The following CARMIL1 variants were observed in gnomAD, a reference collection of about 807,000 sequenced individuals.
CARMIL1 encodes the protein capping protein regulator and myosin 1 linker 1, also known as F-actin-uncapping protein LRRC16A.
CARMIL1 carries 90 observed loss-of-function variants against 177.1 expected under a neutral mutation model. That is an observed-to-expected ratio of 0.51 (90% CI 0.43 to 0.61). CARMIL1 has a LOEUF of 0.61. CARMIL1 is among the 20% of genes least tolerant of loss of function. The pLI is 0.00. For synonymous variants in CARMIL1, 577 were observed against 606.2 expected (o/e 0.95, Z 0.71); for missense variants, 1,380 against 1,667.0 (o/e 0.83, Z 3.00).
rs200770413 is a variant in CARMIL1 at position 25,326,814 on chromosome 6, ATAT to A, written c.138+41920_138+41922del. On this transcript the variant is annotated intron_variant, in intron 2 of 36. Coordinates refer to ENST00000329474, the MANE Select transcript of CARMIL1 (RefSeq NM_017640.6). The surrounding 1 kb of genome is among the most constrained non-coding windows in gnomAD (Gnocchi z 4.2). ...GCTGAGGAAAAAGGAGAAATCAGAAATATTATTATTATTATTAATGTTTCAAGA... is the reference window on the plus strand; with the variant it reads ...GCTGAGGAAAAAGGAGAAATCAGAAATATTATTATTATTAATGTTTCAAGA... Among the ~76,000 whole-genome samples, 2 of 151,892 alleles carry A rather than the reference ATAT, an allele frequency of 1.3e-5. No homozygotes were observed. The highest frequency in any genetic ancestry group is 6.6e-5 in the Admixed American group (1 of 15,236).
At chr6:25,318,415 C>T (rs2150230930) in intron 2 of CARMIL1, among the ~76,000 whole-genome samples, 1 of 152,228 alleles carries the variant, frequency 6.6e-6, no homozygotes, top group Non-Finnish European at 1.5e-5. Flanking sequence ...GCTTTGAAAA[C>T]AGTCCTCTCC....
intron 8 of CARMIL1, among the ~76,000 whole-genome samples, chr6:25,460,092 A>G (rs1799999933): frequency 6.6e-6 from 1 of 152,216 alleles, no homozygotes; most frequent in Non-Finnish European, 1.5e-5. Context: ...TAATTGCATG[A>G]GCACTTAGTG....
At chr6:25,447,157 A>G (rs891472145) in intron 5 of CARMIL1, among the ~76,000 whole-genome samples, 2 of 152,226 alleles carry the variant, frequency 1.3e-5, no homozygotes, top group African/African-American at 2.4e-5. Flanking sequence ...GCTTAATGCA[A>G]GGTTGCCACA....
intron 2 of CARMIL1, among the ~76,000 whole-genome samples, chr6:25,365,616 A>G (rs576979978): frequency 6.6e-6 from 1 of 152,214 alleles, no homozygotes; most frequent in South Asian, 2.1e-4. Context: ...GTTTTGTTGC[A>G]ATCTCAGCCC....
intron 8 of CARMIL1, among the ~76,000 whole-genome samples, chr6:25,461,112 T>C (rs1800080956): frequency 6.6e-6 from 1 of 152,206 alleles, no homozygotes; most frequent in Admixed American, 6.5e-5. Flanking sequence ...CTATTTTGCA[T>C]TGGCCCTTGT....
Position 25,279,387 on chromosome 6 carries a change from C to T in CARMIL1, c.-409C>T. ...GCCGCTCTCCCCGCCCTCTCCCACGCCTTCCGCTTTCACCTAGGGCTGTAG... is the reference window on the plus strand; with the variant it reads ...GCCGCTCTCCCCGCCCTCTCCCACGTCTTCCGCTTTCACCTAGGGCTGTAG... On this transcript the variant is annotated 5_prime_UTR_variant, in exon 1 of 37. Transcript: ENST00000329474. The T allele has an allele frequency of 3.5e-6, 1 of 289,816 alleles. No individual in the cohort carries two copies. Among genetic ancestry groups the T allele is most frequent in the Non-Finnish European group, 6.5e-6 (1 of 153,296 alleles). 18.0% of individuals were successfully genotyped at this position (289,816 alleles called of 1,614,324 possible). A position where few individuals can be genotyped will look rare whatever the true frequency, so the allele number is the denominator to read the frequency against.
chr6:25,304,776 T>C (rs1021328834), intron 2 of CARMIL1, among the ~76,000 whole-genome samples: 1 of 152,260 alleles, frequency 6.6e-6, no homozygotes, highest in Admixed American at 6.5e-5. Flanking sequence ...TGTTCCCTGC[T>C]CATATATCAA....
At chr6:25,452,119 G>A in intron 8 of CARMIL1, 4 of 764,474 alleles carry the variant, frequency 5.2e-6, no homozygotes, top group Non-Finnish European at 9.6e-6. Context: ...ATACTAGCTG[G>A]ATATACCTCC....
At chr6:25,318,519 C>T (rs545213793) in intron 2 of CARMIL1, among the ~76,000 whole-genome samples, 3 of 152,304 alleles carry the variant, frequency 2.0e-5, no homozygotes, top group Non-Finnish European at 4.4e-5. Context: ...ATCTGTCCTA[C>T]TCCGGGAAAT....
chr6:25,438,714 T>C (rs888582796), intron 5 of CARMIL1, among the ~76,000 whole-genome samples: 4 of 152,160 alleles, frequency 2.6e-5, no homozygotes, highest in African/African-American at 7.2e-5. Context: ...AAGAGGGGGC[T>C]GGAACCAGCC....
chr6:25,432,009 GT>G (rs796701490), intron 4 of CARMIL1, among the ~76,000 whole-genome samples: 21 of 152,268 alleles, frequency 1.4e-4, no homozygotes, highest in African/African-American at 5.1e-4. Flanking sequence ...GCCTGTGATT[GT>G]TTTTAAAAAT....
intron 27 of CARMIL1, among the ~76,000 whole-genome samples, chr6:25,553,097 G>T (rs1013749007): frequency 1.3e-5 from 2 of 152,128 alleles, no homozygotes; most frequent in African/African-American, 4.8e-5. Flanking sequence ...CCCAGGCAGA[G>T]AAATCTCCAT....
At chr6:25,534,838 T>A (rs1808130274) in intron 24 of CARMIL1, among the ~76,000 whole-genome samples, 1 of 152,228 alleles carries the variant, frequency 6.6e-6, no homozygotes, top group African/African-American at 2.4e-5. Flanking sequence ...ATGCCAGGTG[T>A]CCAGTTTATT....
At chr6:25,374,009 G>A (rs987955203) in intron 2 of CARMIL1, among the ~76,000 whole-genome samples, 1 of 151,962 alleles carries the variant, frequency 6.6e-6, no homozygotes, top group Non-Finnish European at 1.5e-5. Context: ...TTGTTTGTTT[G>A]TTTCAGTTTC....
intron 17 of CARMIL1, 30 bp downstream of exon 17, chr6:25,500,265 A>G: frequency 6.3e-7 from 1 of 1,584,338 alleles, no homozygotes; most frequent in Non-Finnish European, 8.7e-7. Context: ...GTATACTGGA[A>G]TAGATAATAG....
At chr6:25,297,899 A>G (rs934375757) in intron 2 of CARMIL1, among the ~76,000 whole-genome samples, 6 of 152,196 alleles carry the variant, frequency 3.9e-5, no homozygotes, top group African/African-American at 1.4e-4. Flanking sequence ...ATTTAGCCTT[A>G]AATTCAGGAA....
chr6:25,591,322 C>T (rs761390892), intron 31 of CARMIL1, among the ~76,000 whole-genome samples: 7 of 152,216 alleles, frequency 4.6e-5, no homozygotes, highest in Non-Finnish European at 8.8e-5. Context: ...CACGAGTTAT[C>T]CTTTTAGCAC....
chr6:25,351,988 A>AT (rs544734769), intron 2 of CARMIL1, among the ~76,000 whole-genome samples: 2 of 151,760 alleles, frequency 1.3e-5, no homozygotes, highest in South Asian at 4.2e-4. Context: ...AAATAAATAG[A>AT]TTTTTTTTCT....
chr6:25,537,905 A>G lies in CARMIL1; in HGVS notation c.2118A>G (p.Arg706=). The change falls in exon 25 of 37, where the codon CGA becomes CGG. Residue 706 remains arginine (R), a synonymous_variant. Transcript: ENST00000329474. The part of the protein sequence containing the change: ...VKVQDHLNSL[R]NCGGDAIQED... Reference sequence around the variant, plus strand: ...TACAAGATCATCTCAACTCCTTACGAAATTGTGGGGGAGACGCTATCCAGG... The same window carrying G: ...TACAAGATCATCTCAACTCCTTACGGAATTGTGGGGGAGACGCTATCCAGG... The G allele has an allele frequency of 6.2e-7, 1 of 1,609,362 alleles. No individual in the cohort carries two copies. Among genetic ancestry groups the G allele is most frequent in the South Asian group, 1.1e-5 (1 of 89,562 alleles).
Sources: gnomAD v4.1 joint callset for allele counts (sites outside exome capture counted in the v4.1 genomes callset) on GRCh38, gnomAD v4.1.1 for gene constraint, Gnocchi (gnomAD v3.1) non-coding constraint, MANE v1.5 for transcripts, NCBI Gene and HGNC (gene_info 2026-07-23, HGNC 2026-07-21) for gene names.